THAP9: variants seen among roughly 807,000 people sequenced by gnomAD.
The protein encoded by THAP9 is THAP domain containing 9, also known as DNA transposase THAP9.
In THAP9, 20 loss-of-function variants were observed where a neutral mutation model predicts 35.7. The observed-to-expected ratio is 0.56, with a 90% CI of 0.39 to 0.81. The LOEUF is 0.81. THAP9 is among the 40% of genes least tolerant of loss of function. The pLI, the probability that THAP9 is intolerant of heterozygous loss-of-function variation, is 0.00. For synonymous variants in THAP9, 335 were observed against 373.7 expected, an observed-to-expected ratio of 0.90 and a Z score of 1.19; for missense variants, 870 against 1,047.4, an observed-to-expected ratio of 0.83 and a Z score of 2.34.
At chr4:82,908,785 G>A (rs1295046663) in intron 4 of THAP9, among the ~76,000 whole-genome samples, 1 of 152,098 alleles carries the variant, frequency 6.6e-6, no homozygotes, top group Non-Finnish European at 1.5e-5. Context: ...TAGTAGAGAC[G>A]GGATTTTGCT....
intron 4 of THAP9, among the ~76,000 whole-genome samples, chr4:82,909,493 C>T (rs11729089): frequency 0.19 from 28,023 of 151,258 alleles, 2,769 homozygotes; most frequent in South Asian, 0.32. Flanking sequence ...AATAAATTTC[C>T]AACCAGCCTT....
chr4:82,902,422 C>G (rs910292336), intron 1 of THAP9, among the ~76,000 whole-genome samples: 2 of 152,244 alleles, frequency 1.3e-5, no homozygotes, highest in South Asian at 4.2e-4. Flanking sequence ...TTGGGGCAAA[C>G]CTACAGCACT....
intron 4 of THAP9, among the ~76,000 whole-genome samples, chr4:82,915,308 G>A (rs529128393): frequency 6.6e-6 from 1 of 152,222 alleles, no homozygotes; most frequent in African/African-American, 2.4e-5. Flanking sequence ...CCAGGCTGGA[G>A]TGCAGTGGCA....
In THAP9 at chr4:82,910,889, G is replaced by A. The variant is rs538659228; in HGVS notation, c.731+2954G>A. 5 of 263,782 alleles carry A rather than the reference G, an allele frequency of 1.9e-5. No individual in the cohort carries two copies. The East Asian group carries it at 4.6e-4, about 24-fold the overall frequency. The allele number at this position is 263,782 out of a possible 1,614,324, so 16.3% of individuals were successfully genotyped here. Reference sequence around the variant, plus strand: ...GATGACCATGACAAAAGCAGTTATAGTAGAGTGGTGGAGAGGTAAACCTGG... The same window carrying A: ...GATGACCATGACAAAAGCAGTTATAATAGAGTGGTGGAGAGGTAAACCTGG... On this transcript the variant is annotated intron_variant, in intron 4 of 4. Coordinates refer to ENST00000302236, the MANE Select transcript of THAP9 (RefSeq NM_024672.6).
chr4:82,900,948 G>A, intron 1 of THAP9, 66 bp downstream of exon 1: 1 of 1,583,880 alleles, frequency 6.3e-7, no homozygotes, highest in South Asian at 1.1e-5. Context: ...GTGGCGTGGC[G>A]TGGGGCGGGG....
At position 82,917,205 on chromosome 4, in the gene THAP9, C is replaced by T. The variant is rs1721062551; in HGVS notation, c.993C>T (p.Gly331=). 6 of 1,614,048 alleles carry T rather than the reference C, an allele frequency of 3.7e-6. No homozygotes were observed. The highest frequency in any genetic ancestry group is 5.1e-6 in the Non-Finnish European group (6 of 1,179,966). The part of the protein sequence containing the change: ...TVLLMAVGIF[G]HWRTPLGYFF... Reference sequence around the variant, plus strand: ...TGTTAATGGCAGTGGGTATTTTTGGCCATTGGAGAACACCTCTTGGTTATT... The same window carrying T: ...TGTTAATGGCAGTGGGTATTTTTGGTCATTGGAGAACACCTCTTGGTTATT... Residue 331 remains glycine (G), a synonymous_variant, in exon 5 of 5, where the codon GGC becomes GGT. Transcript: ENST00000302236.
In THAP9 at chr4:82,906,308, T is replaced by C. The variant is rs753383063; in HGVS notation, c.277-16T>C. The C allele has an allele frequency of 1.3e-6, 2 of 1,531,394 alleles. No homozygotes were observed. Among genetic ancestry groups the C allele is most frequent in the South Asian group, 1.3e-5 (1 of 78,904 alleles). The allele number at this position is 1,531,394 out of a possible 1,614,324, so 94.9% of individuals were successfully genotyped here. A position where few individuals can be genotyped will look rare whatever the true frequency, so the allele number is the denominator to read the frequency against. On this transcript the variant is annotated splice_polypyrimidine_tract_variant and intron_variant, in intron 2 of 4. Transcript: ENST00000302236. ...ATTATTTCTAAAATAACTTTAATTT[T>C]ATATATCTGTCATAGATTCCTCAAG...
At chr4:82,913,709 C>G (rs1309874706) in intron 4 of THAP9, among the ~76,000 whole-genome samples, 2 of 151,906 alleles carry the variant, frequency 1.3e-5, no homozygotes, top group South Asian at 2.1e-4. Flanking sequence ...TTGTTTTCTT[C>G]CTTGTGTATA....
chr4:82,907,699 C>T (rs1720701997), intron 3 of THAP9, 86 bp from the exon 4 acceptor site: 2 of 951,914 alleles, frequency 2.1e-6, no homozygotes, highest in Non-Finnish European at 3.1e-6. Flanking sequence ...ATTCTGATGC[C>T]CAGTGCATTT....
intron 4 of THAP9, chr4:82,913,095 T>G (rs1720921099): frequency 6.6e-6 from 1 of 152,186 alleles, no homozygotes; most frequent in African/African-American, 2.4e-5. Context: ...AAGAAAATTT[T>G]TTTATTTTCA....
In THAP9 at chr4:82,911,567, C is replaced by G. The variant is rs536465352; in HGVS notation, c.731+3632C>G. On this transcript the variant is annotated intron_variant, in intron 4 of 4. Transcript: ENST00000302236. Reference sequence around the variant, plus strand: ...CGAGATTGCACCACTGCACTCCAGCCTGGGTGACAGAGCGAGATTCCGTCT... The same window carrying G: ...CGAGATTGCACCACTGCACTCCAGCGTGGGTGACAGAGCGAGATTCCGTCT... 2.6e-5 allele frequency among the ~76,000 whole-genome samples: 4 copies of G among 152,050 alleles called. No individual in the cohort carries two copies. In the East Asian group the frequency reaches 7.7e-4, roughly 29 times the overall value.
At chr4:82,904,062 T>C (rs1157092970) in intron 1 of THAP9, among the ~76,000 whole-genome samples, 50 of 91,348 alleles carry the variant, frequency 5.5e-4, no homozygotes, top group African/African-American at 2.1e-3. Context: ...CTCCCCCTTT[T>C]TTTTTTTTTT....
At chr4:82,908,244 G>A (rs1420339641) in intron 4 of THAP9, among the ~76,000 whole-genome samples, 1 of 152,254 alleles carries the variant, frequency 6.6e-6, no homozygotes, top group East Asian at 1.9e-4. Flanking sequence ...GCATCTCCCA[G>A]ACACTCTGGG....
chr4:82,913,332 TG>T (rs1720928535), intron 4 of THAP9: 1 of 152,236 alleles, frequency 6.6e-6, no homozygotes, highest in Non-Finnish European at 1.5e-5. Context: ...ATAAGTTGGT[TG>T]TTTTTTTAAC....
At chr4:82,908,359 T>G (rs1403124441) in intron 4 of THAP9, among the ~76,000 whole-genome samples, 3 of 152,208 alleles carry the variant, frequency 2.0e-5, no homozygotes, top group Non-Finnish European at 1.5e-5. Flanking sequence ...TGATCGCCAT[T>G]GGTCTTAGGC....
chr4:82,910,821 G>A, intron 4 of THAP9: 2 of 413,176 alleles, frequency 4.8e-6, no homozygotes, highest in South Asian at 1.7e-5. Flanking sequence ...GGTAAGATGA[G>A]GACAGAGAAT....
intron 4 of THAP9, chr4:82,910,587 T>C (rs1578450928): frequency 3.2e-6 from 1 of 309,814 alleles, no homozygotes; most frequent in East Asian, 1.0e-4. Context: ...TATATACGTT[T>C]CCATTTATTT....
chr4:82,901,452 G>T (rs1720366908), intron 1 of THAP9, among the ~76,000 whole-genome samples: 2 of 152,118 alleles, frequency 1.3e-5, no homozygotes, highest in South Asian at 4.1e-4. Context: ...AGTATTCAGG[G>T]TACACTAGCA....
chr4:82,906,708 C>A, intron 3 of THAP9, 81 bp downstream of exon 3: 1 of 1,336,080 alleles, frequency 7.5e-7, no homozygotes, highest in Non-Finnish European at 9.9e-7. Context: ...TTTGTTCTTG[C>A]CTATGAAAAC....
Sources: allele counts gnomAD v4.1 joint callset (sites outside exome capture counted in the v4.1 genomes callset), GRCh38; gene constraint gnomAD v4.1.1; transcripts MANE v1.5; gene names NCBI Gene and HGNC (gene_info 2026-07-23, HGNC 2026-07-21).